IMMP2L: variants seen among roughly 807,000 people sequenced by gnomAD.
IMMP2L encodes mitochondrial inner membrane protease subunit 2.
In IMMP2L, 18 loss-of-function variants were observed where a neutral mutation model predicts 19.3. The observed-to-expected ratio is 0.93, with a 90% confidence interval of 0.64 to 1.38. IMMP2L has a LOEUF of 1.38. Ranked by LOEUF, IMMP2L falls within the 40% of genes most tolerant of loss-of-function variation. The pLI is 0.00. For missense variants in IMMP2L, 233 were observed against 218.2 expected (o/e 1.07, Z -0.43); for synonymous variants, 76 against 73.0 (o/e 1.04, Z -0.21).
intron 3 of IMMP2L, among the ~76,000 whole-genome samples, chr7:111,209,669 A>G (rs1415922953): frequency 2.6e-5 from 4 of 152,144 alleles, no homozygotes; most frequent in Admixed American, 2.6e-4. Context: ...TCAAAAACAT[A>G]ATTGTGTTAA....
chr7:111,349,844 C>A (rs1167794319), intron 3 of IMMP2L, among the ~76,000 whole-genome samples: 1 of 152,132 alleles, frequency 6.6e-6, no homozygotes, highest in East Asian at 1.9e-4. Flanking sequence ...AGCCCTCTCC[C>A]TGTTCTAGTC....
Position 110,892,480 on chromosome 7 carries a change from A to G in IMMP2L, c.306-5785T>C, listed in dbSNP as rs532483052. ...TACTTGCTCTGTGACCCAACCCTCCACGGCACTTTGTATGCCTTCGCTCCT... is the reference window on the plus strand; with the variant it reads ...TACTTGCTCTGTGACCCAACCCTCCGCGGCACTTTGTATGCCTTCGCTCCT... On this transcript the variant is annotated intron_variant, in intron 4 of 5. Coordinates refer to ENST00000405709, the MANE Select transcript of IMMP2L (RefSeq NM_032549.4). Among the ~76,000 whole-genome samples, 31 of 152,162 alleles carry G rather than the reference A, an allele frequency of 2.0e-4. No homozygotes were observed. In the South Asian group the frequency reaches 3.1e-3, roughly 15 times the overall value.
At chr7:111,384,682 A>C (rs1050849092) in intron 3 of IMMP2L, among the ~76,000 whole-genome samples, 2 of 152,144 alleles carry the variant, frequency 1.3e-5, no homozygotes, top group Non-Finnish European at 2.9e-5. Flanking sequence ...AGCAGCAAGC[A>C]AAAAATATGA....
At chr7:111,083,119 A>C (rs1586151520) in intron 3 of IMMP2L, among the ~76,000 whole-genome samples, 1 of 152,288 alleles carries the variant, frequency 6.6e-6, no homozygotes, top group Non-Finnish European at 1.5e-5. Context: ...CCAATGTTGA[A>C]GTTTTATGTA....
In IMMP2L at chr7:111,017,090, T is replaced by C. The variant is rs1358510433; in HGVS notation, c.240-53525A>G. ...CTTTATTTATTTATTTATTTATTTA[T>C]TGAGAAAGAGTCTCGCTCTGTTGCT... On this transcript the variant is annotated intron_variant, in intron 3 of 5. Transcript: ENST00000405709. Among the ~76,000 whole-genome samples the C allele has an allele frequency of 2.7e-5, 4 of 147,780 alleles. No individual in the cohort carries two copies. In the East Asian group the frequency reaches 5.9e-4, roughly 22 times the overall value.
At chr7:111,051,323 G>A (rs749675177) in intron 3 of IMMP2L, among the ~76,000 whole-genome samples, 1 of 152,184 alleles carries the variant, frequency 6.6e-6, no homozygotes, top group South Asian at 2.1e-4. Context: ...TGAGACCACT[G>A]AATATTTTCC....
At position 111,187,885 on chromosome 7, in the gene IMMP2L, C is replaced by T. The variant is rs140879456; in HGVS notation, c.240-224320G>A. Among the ~76,000 whole-genome samples the T allele has an allele frequency of 5.5e-4, 83 of 152,026 alleles. 2 individuals carry two copies. The highest frequency in any genetic ancestry group is 1.8e-3 in the African/African-American group (74 of 41,470). Reference sequence around the variant, plus strand: ...GCTCTGGAATCTGAGGCCTTAAGTACGTCAAAATACTGCCAAGTTAGAGTA... The same window carrying T: ...GCTCTGGAATCTGAGGCCTTAAGTATGTCAAAATACTGCCAAGTTAGAGTA... On this transcript the variant is annotated intron_variant, in intron 3 of 5. Transcript: ENST00000405709.
intron 4 of IMMP2L, among the ~76,000 whole-genome samples, chr7:110,911,804 G>GTCTAA (rs1298733035): frequency 1.3e-5 from 2 of 152,022 alleles, no homozygotes; most frequent in Non-Finnish European, 2.9e-5. Flanking sequence ...ACTTTAACCT[G>GTCTAA]TCTAATCTTT....
chr7:110,868,278 T>C (rs1384892985), intron 5 of IMMP2L, among the ~76,000 whole-genome samples: 4 of 152,046 alleles, frequency 2.6e-5, no homozygotes, highest in African/African-American at 9.7e-5. Flanking sequence ...TTTTTCTTAT[T>C]TCCCAAGCCC....
At chr7:111,469,402 C>T (rs1840998662) in intron 3 of IMMP2L, among the ~76,000 whole-genome samples, 1 of 152,082 alleles carries the variant, frequency 6.6e-6, no homozygotes, top group Non-Finnish European at 1.5e-5. Context: ...GAATGTTCTT[C>T]CATTCGTTTG....
chr7:110,958,751 C>T (rs753477015), intron 4 of IMMP2L, among the ~76,000 whole-genome samples: 3 of 152,026 alleles, frequency 2.0e-5, no homozygotes, highest in Non-Finnish European at 4.4e-5. Flanking sequence ...GTGGATAGGT[C>T]CTAGATCTGT....
In IMMP2L at chr7:111,123,860, T is replaced by C; in HGVS notation, c.240-160295A>G. ...GAGTCTCTGCCAAACCTCAAGGAAA[T>C]CAGCATACACAGTAACCCCATCAGG... On this transcript the variant is annotated intron_variant, in intron 3 of 5. Coordinates refer to ENST00000405709, the MANE Select transcript of IMMP2L (RefSeq NM_032549.4). This position sits in a 1 kb window ranked among gnomAD's most constrained non-coding sequence, Gnocchi z 6.4. The C allele has an allele frequency of 6.2e-7, 1 of 1,613,910 alleles. No individual in the cohort carries two copies. Among genetic ancestry groups the C allele is most frequent in the Non-Finnish European group, 8.5e-7 (1 of 1,179,964 alleles).
intron 2 of IMMP2L, among the ~76,000 whole-genome samples, chr7:111,497,733 G>C (rs1323953249): frequency 2.6e-5 from 4 of 151,968 alleles, no homozygotes; most frequent in Non-Finnish European, 5.9e-5. Flanking sequence ...GCAATCTTCA[G>C]TAAGTTATCC....
chr7:111,357,204 T>G (rs1828803201), intron 3 of IMMP2L, among the ~76,000 whole-genome samples: 1 of 152,180 alleles, frequency 6.6e-6, no homozygotes, highest in African/African-American at 2.4e-5. Context: ...TGTGTTGTTC[T>G]TTTCAAACCG....
chr7:111,556,911 A>G (rs1244722750), intron 1 of IMMP2L, among the ~76,000 whole-genome samples: 1 of 152,104 alleles, frequency 6.6e-6, no homozygotes, highest in Non-Finnish European at 1.5e-5. Flanking sequence ...ACACTTGCCA[A>G]TGATATGCCC....
At position 111,053,316 on chromosome 7, in the gene IMMP2L, C is replaced by T. The variant is rs558548006; in HGVS notation, c.240-89751G>A. On this transcript the variant is annotated intron_variant, in intron 3 of 5. Coordinates refer to ENST00000405709, the MANE Select transcript of IMMP2L (RefSeq NM_032549.4). ...GTCCACATGTGCAGTGACCTGCTAG[C>T]GCTTGGGAGGGGAGCATGTGCAGTG... 6.6e-5 allele frequency among the ~76,000 whole-genome samples: 10 copies of T among 152,254 alleles called. No homozygotes were observed. In the South Asian group the frequency reaches 1.7e-3, roughly 25 times the overall value.
chr7:111,225,568 A>T (rs1361812589), intron 3 of IMMP2L, among the ~76,000 whole-genome samples: 1 of 151,984 alleles, frequency 6.6e-6, no homozygotes, highest in Non-Finnish European at 1.5e-5. Context: ...AGTCTATAGG[A>T]AAGTACTACT....
At chr7:111,375,505 C>G (rs575413372) in intron 3 of IMMP2L, among the ~76,000 whole-genome samples, 2 of 151,750 alleles carry the variant, frequency 1.3e-5, no homozygotes, top group Non-Finnish European at 2.9e-5. Flanking sequence ...AACCTGTGAA[C>G]AGATTTCCTG....
intron 3 of IMMP2L, among the ~76,000 whole-genome samples, chr7:111,067,653 A>G (rs1402969721): frequency 6.6e-6 from 1 of 152,204 alleles, no homozygotes; most frequent in Admixed American, 6.5e-5. Context: ...GGTCACCAAT[A>G]CAGAAAAGCA....
Sources: gnomAD v4.1 joint callset for allele counts (sites outside exome capture counted in the v4.1 genomes callset) on GRCh38, gnomAD v4.1.1 for gene constraint, Gnocchi (gnomAD v3.1) non-coding constraint, MANE v1.5 for transcripts, NCBI Gene and HGNC (gene_info 2026-07-23, HGNC 2026-07-21) for gene names.